MCF2L: variants seen among roughly 807,000 people sequenced by gnomAD.
MCF2L encodes guanine nucleotide exchange factor DBS.
A neutral mutation model predicts 153.4 loss-of-function variants in MCF2L; 97 were observed. The observed-to-expected ratio is 0.63, with a 90% CI of 0.54 to 0.75. The LOEUF is 0.75. Ranked by LOEUF, MCF2L falls within the 30% of genes least tolerant of loss-of-function variation. MCF2L has a pLI of 0.00. For missense variants in MCF2L, 1,347 were observed against 1,495.2 expected (o/e 0.90, Z 1.64); for synonymous variants, 659 against 632.2 (o/e 1.04, Z -0.64).
At chr13:113,079,075 A>AGGCCCCAACC (rs1449985526) in intron 15 of MCF2L, among the ~76,000 whole-genome samples, 4 of 151,478 alleles carry the variant, frequency 2.6e-5, no homozygotes, top group African/African-American at 9.7e-5. Context: ...CACCACTCAA[A>AGGCCCCAACC]GGCCCCAACC....
At chr13:112,972,359 GTGGATGGATGGATGGA>G (rs72104689) in intron 1 of MCF2L, among the ~76,000 whole-genome samples, 3 of 137,250 alleles carry the variant, frequency 2.2e-5, no homozygotes, top group Non-Finnish European at 4.7e-5. Flanking sequence ...GTGTAAGTGG[GTGGATGGATGGATGGA>G]TGGATGGATG....
intron 4 of MCF2L, among the ~76,000 whole-genome samples, chr13:113,047,881 C>CTCACTACGCGTGCCCCGGCCCCTCT (rs1403579661): frequency 8.8e-4 from 45 of 51,080 alleles, no homozygotes; most frequent in Admixed American, 2.7e-3. Context: ...CCAGAGCCTC[C>CTCACTACGCGTGCCCCGGCCCCTCT]GCTGATGCCT....
chr13:112,977,856 C>T (rs1240079847), intron 1 of MCF2L, among the ~76,000 whole-genome samples: 3 of 152,194 alleles, frequency 2.0e-5, no homozygotes, highest in African/African-American at 7.2e-5. Context: ...GGAGGCTCAC[C>T]TTAGGTCAGG....
chr13:112,968,113 T>G (rs758258204), upstream of MCF2L: 4 of 194,532 alleles, frequency 2.1e-5, 1 homozygote, highest in Admixed American at 1.3e-4. Context: ...TCTCTCTCTC[T>G]CTCTCTTTTA....
intron 1 of MCF2L, among the ~76,000 whole-genome samples, chr13:113,003,481 G>T (rs2083499705): frequency 6.6e-6 from 1 of 152,060 alleles, no homozygotes; most frequent in Non-Finnish European, 1.5e-5. Flanking sequence ...GGGCACCGTG[G>T]AAGGCTCCGG....
At chr13:113,033,198 C>A (rs2993320) in intron 3 of MCF2L, among the ~76,000 whole-genome samples, 1 of 53,008 alleles carries the variant, frequency 1.9e-5, no homozygotes, top group Non-Finnish European at 3.6e-5. Context: ...GACCCCGTGA[C>A]GTGAGTGGCC....
rs1478575090 is a variant in MCF2L, at chr13:113,098,283, CAG to C, written c.*1428_*1429del. The C allele has an allele frequency of 2.0e-5, 3 of 152,618 alleles. No homozygotes were observed. Among genetic ancestry groups the C allele is most frequent in the Non-Finnish European group, 2.9e-5 (2 of 68,060 alleles). 9.5% of individuals were successfully genotyped at this position (152,618 alleles called of 1,614,324 possible). ...GGTGCGGAATCAAATAGGAAGCATG[CAG>C]AGACTCGGCAGCTTTTCCTCTGATG... On this transcript the variant is annotated 3_prime_UTR_variant, in exon 30 of 30. Transcript: ENST00000535094.
rs2140921490 is a variant in MCF2L, at chr13:112,983,565, G to A, written c.79+14107G>A. Among the ~76,000 whole-genome samples, 1 of 152,370 alleles carries A rather than the reference G, an allele frequency of 6.6e-6. No individual in the cohort carries two copies. Among genetic ancestry groups the A allele is most frequent in the Admixed American group, 6.5e-5 (1 of 15,312 alleles). ...AAAGCCCGTGGTGCTGGGCACGGCA[G>A]AGCCGTAGGCGGAGACAGGGAGCCG... On this transcript the variant is annotated intron_variant, in intron 1 of 29. Transcript: ENST00000535094. This position sits in a 1 kb window ranked among gnomAD's most constrained non-coding sequence, Gnocchi z 4.0.
chr13:112,979,275 A>C, intron 1 of MCF2L: 12 of 1,052,334 alleles, frequency 1.1e-5, no homozygotes, highest in Non-Finnish European at 1.4e-5. Flanking sequence ...GGTCCAGCCC[A>C]CGCAAGCCCC....
rs990013518 is a variant in MCF2L, at chr13:113,098,171, G to T, written c.*1312G>T. 1.3e-5 allele frequency: 2 copies of T among 152,562 alleles called. No individual in the cohort carries two copies. Among genetic ancestry groups the T allele is most frequent in the African/African-American group, 4.8e-5 (2 of 41,464 alleles). 9.5% of individuals were successfully genotyped at this position (152,562 alleles called of 1,614,324 possible). On this transcript the variant is annotated 3_prime_UTR_variant, in exon 30 of 30. Coordinates refer to ENST00000535094, the MANE Select transcript of MCF2L (RefSeq NM_001112732.3). ...CCGCCTCACAGCCTCACGGTTCCCA[G>T]CCCCAGCACAGTGGAGGCAGGCGTG...
chr13:113,096,493 C>A lies in MCF2L; in HGVS notation c.3188+10C>A. 6.3e-7 allele frequency: 1 copy of A among 1,583,208 alleles called. No individual in the cohort carries two copies. The highest frequency in any genetic ancestry group is 2.3e-5 in the East Asian group (1 of 43,192). Reference sequence around the variant, plus strand: ...GCGACGAGGGCCTCTGGTAAGACCCCGCGCTCAGCCCCGGACTGCCCCGCA... The same window carrying A: ...GCGACGAGGGCCTCTGGTAAGACCCAGCGCTCAGCCCCGGACTGCCCCGCA... On this transcript the variant is annotated intron_variant, in intron 28 of 29. Coordinates refer to ENST00000535094, the MANE Select transcript of MCF2L (RefSeq NM_001112732.3).
At chr13:112,992,159 G>A (rs1425347558) in intron 1 of MCF2L, among the ~76,000 whole-genome samples, 2 of 152,194 alleles carry the variant, frequency 1.3e-5, no homozygotes, top group Non-Finnish European at 2.9e-5. Context: ...TGTATGAGGT[G>A]TGCGTGAAAC....
intron 2 of MCF2L, among the ~76,000 whole-genome samples, chr13:112,955,523 C>T (rs2081746599): frequency 6.6e-6 from 1 of 152,164 alleles, no homozygotes; most frequent in African/African-American, 2.4e-5. Context: ...CTCGAAATAA[C>T]CCACAAGGTG....
chr13:112,898,556 G>A (rs1190199762), intron 1 of MCF2L, among the ~76,000 whole-genome samples: 2 of 152,248 alleles, frequency 1.3e-5, no homozygotes, highest in East Asian at 1.9e-4. Context: ...AACGCCCACG[G>A]CCATGCAGGC....
chr13:113,045,489 G>C lies in MCF2L; in HGVS notation c.369+128G>C, dbSNP rs1031251778. On this transcript the variant is annotated intron_variant, in intron 4 of 29. Coordinates refer to ENST00000535094, the MANE Select transcript of MCF2L (RefSeq NM_001112732.3). The surrounding 1 kb of genome is among the most constrained non-coding windows in gnomAD (Gnocchi z 4.2). ...GAGTGGGACAGAGCCCAGTCCCGGC[G>C]GGTGGAGGCCGGCGCCAAGGCCCCC... 15 of 847,498 alleles carry C rather than the reference G, an allele frequency of 1.8e-5. No homozygotes were observed. Among genetic ancestry groups the C allele is most frequent in the Non-Finnish European group, 2.6e-5 (14 of 528,466 alleles). The allele number at this position is 847,498 out of a possible 1,614,324, so 52.5% of individuals were successfully genotyped here.
intron 1 of MCF2L, among the ~76,000 whole-genome samples, chr13:113,014,426 C>T (rs781747032): frequency 5.3e-5 from 8 of 152,114 alleles, no homozygotes; most frequent in African/African-American, 9.7e-5. Flanking sequence ...TGTATTTATC[C>T]GAGGAGCCAG....
chr13:113,066,859 C>T lies in MCF2L; in HGVS notation c.881+689C>T, dbSNP rs568188059. On this transcript the variant is annotated intron_variant, in intron 8 of 29. Transcript: ENST00000535094. ...GCTTGTCCGGCAGGGCCGTGCGGGG[C>T]GCACCCAGGCCTGGACCAAGCTGGT... 1.8e-3 allele frequency among the ~76,000 whole-genome samples: 270 copies of T among 152,324 alleles called. 3 individuals carry two copies. The highest frequency in any genetic ancestry group is 6.2e-3 in the African/African-American group (256 of 41,588).
At chr13:113,092,966 C>T (rs1595035788) in intron 26 of MCF2L, among the ~76,000 whole-genome samples, 1 of 151,994 alleles carries the variant, frequency 6.6e-6, no homozygotes. Context: ...TGGACAGGTT[C>T]GTGTGTAAGG....
At chr13:112,999,959 G>A (rs1472828282) in intron 1 of MCF2L, among the ~76,000 whole-genome samples, 1 of 95,676 alleles carries the variant, frequency 1.0e-5, no homozygotes, top group Non-Finnish European at 2.6e-5. Flanking sequence ...GGGCCCCAGA[G>A]TGGAGGCAGG....
Sources: allele counts gnomAD v4.1 joint callset (sites outside exome capture counted in the v4.1 genomes callset), GRCh38; gene constraint gnomAD v4.1.1; non-coding constraint Gnocchi (gnomAD v3.1); transcripts MANE v1.5; gene names NCBI Gene and HGNC (gene_info 2026-07-23, HGNC 2026-07-21).